Variants in RBMS3 observed in about 807,000 individuals in gnomAD.
RBMS3 encodes the protein RNA binding motif single stranded interacting protein 3.
In RBMS3, 27 loss-of-function variants were observed where a neutral mutation model predicts 66.8. That is an observed-to-expected ratio of 0.40 (90% CI 0.30 to 0.56). RBMS3 has a LOEUF of 0.56. RBMS3 is among the 20% of genes least tolerant of loss of function. The pLI, the probability that RBMS3 is intolerant of heterozygous loss-of-function variation, is 0.40. For missense variants in RBMS3, 513 were observed against 549.5 expected, an observed-to-expected ratio of 0.93 and a Z score of 0.66; for synonymous variants, 188 against 183.0, an observed-to-expected ratio of 1.03 and a Z score of -0.22.
rs1699785714 is a variant in RBMS3 at position 30,005,648 on chromosome 3, A to G, written c.*1786A>G. On this transcript the variant is annotated 3_prime_UTR_variant, in exon 15 of 15. Coordinates refer to ENST00000383767, the MANE Select transcript of RBMS3 (RefSeq NM_001003793.3). Reference sequence around the variant, plus strand: ...GTCTTTGTCATCACCTACCATGAATAGTCACCTTGGTTTTGCAAATGGGGA... The same window carrying G: ...GTCTTTGTCATCACCTACCATGAATGGTCACCTTGGTTTTGCAAATGGGGA... The G allele has an allele frequency of 6.6e-6, 1 of 151,822 alleles. No homozygotes were observed. The highest frequency in any genetic ancestry group is 6.6e-5 in the Admixed American group (1 of 15,218). 9.4% of individuals were successfully genotyped at this position (151,822 alleles called of 1,614,324 possible). A position where few individuals can be genotyped will look rare whatever the true frequency, so the allele number is the denominator to read the frequency against.
chr3:29,331,520 C>T (rs1018521521), intron 1 of RBMS3, among the ~76,000 whole-genome samples: 1 of 152,044 alleles, frequency 6.6e-6, no homozygotes, highest in Non-Finnish European at 1.5e-5. Context: ...CCCAATTATC[C>T]GGGGAGCACT....
intron 1 of RBMS3, among the ~76,000 whole-genome samples, chr3:29,360,534 G>C (rs2037513236): frequency 6.6e-6 from 1 of 151,976 alleles, no homozygotes; most frequent in African/African-American, 2.4e-5. Context: ...TTGATTTGGG[G>C]TGAAGAGTTC....
intron 1 of RBMS3, among the ~76,000 whole-genome samples, chr3:29,389,651 ATAT>A (rs1335561738): frequency 1.3e-5 from 2 of 152,194 alleles, no homozygotes; most frequent in Non-Finnish European, 2.9e-5. Flanking sequence ...TAGCAAAAGT[ATAT>A]TCGTTGTTTC....
At chr3:29,348,444 A>C (rs2036708573) in intron 1 of RBMS3, among the ~76,000 whole-genome samples, 1 of 152,188 alleles carries the variant, frequency 6.6e-6, no homozygotes, top group South Asian at 2.1e-4. Flanking sequence ...CAGACAAAAC[A>C]CTGCATTTAC....
intron 3 of RBMS3, among the ~76,000 whole-genome samples, chr3:29,530,509 T>A (rs1256750329): frequency 6.6e-6 from 1 of 152,128 alleles, no homozygotes; most frequent in Non-Finnish European, 1.5e-5. Context: ...ATAGCACGTA[T>A]GTAAAATTGA....
chr3:29,284,822 A>G (rs1245277053), intron 1 of RBMS3, among the ~76,000 whole-genome samples: 1 of 151,192 alleles, frequency 6.6e-6, no homozygotes, highest in African/African-American at 2.4e-5. Context: ...CACGTCTTTA[A>G]AAAGTTGTCA....
chr3:29,644,338 G>A (rs2049838456), intron 4 of RBMS3, among the ~76,000 whole-genome samples: 1 of 152,138 alleles, frequency 6.6e-6, no homozygotes, highest in Non-Finnish European at 1.5e-5. Context: ...TGAAATTTTT[G>A]TGGGCTTAAA....
chr3:30,003,898 T>G lies in RBMS3; in HGVS notation c.*36T>G, dbSNP rs746277151. 6.9e-7 allele frequency: 1 copy of G among 1,439,266 alleles called. No homozygotes were observed. Among genetic ancestry groups the G allele is most frequent in the Admixed American group, 2.4e-5 (1 of 41,450 alleles). The allele number at this position is 1,439,266 out of a possible 1,614,324, so 89.2% of individuals were successfully genotyped here. A position where few individuals can be genotyped will look rare whatever the true frequency, so the allele number is the denominator to read the frequency against. On this transcript the variant is annotated 3_prime_UTR_variant, in exon 15 of 15. Transcript: ENST00000383767. ...AGAATGTCTGTCTGAATCTTTGCCT[T>G]GAATGAAGAAACTTCATTGAACAAG...
At chr3:29,685,826 C>T (rs77763925) in intron 4 of RBMS3, among the ~76,000 whole-genome samples, 257 of 152,318 alleles carry the variant, frequency 1.7e-3, no homozygotes, top group African/African-American at 5.3e-3. Flanking sequence ...TTTATATGCA[C>T]GTTCCGTCAC....
chr3:29,735,559 A>C (rs718634), intron 4 of RBMS3, among the ~76,000 whole-genome samples: 86,714 of 152,010 alleles, frequency 0.57, 25,350 homozygotes, highest in African/African-American at 0.7. Flanking sequence ...ATACACTGCA[A>C]AATATTCATT....
chr3:29,460,539 CTGA>C (rs2042338432), intron 2 of RBMS3, among the ~76,000 whole-genome samples: 1 of 152,108 alleles, frequency 6.6e-6, no homozygotes, highest in Non-Finnish European at 1.5e-5. Flanking sequence ...CCCCCAAGTT[CTGA>C]TGATGATGAT....
At chr3:29,366,583 C>A (rs955259780) in intron 1 of RBMS3, among the ~76,000 whole-genome samples, 5 of 151,806 alleles carry the variant, frequency 3.3e-5, no homozygotes, top group Non-Finnish European at 1.5e-5. Flanking sequence ...CATGGTCTCA[C>A]CATGTTGCCA....
At chr3:29,922,493 C>CA (rs68121692) in intron 10 of RBMS3, among the ~76,000 whole-genome samples, 150 of 99,022 alleles carry the variant, frequency 1.5e-3, no homozygotes, top group African/African-American at 2.4e-3. Flanking sequence ...GACTCCGTCT[C>CA]AAAAAAAAAA....
At chr3:29,655,175 T>A (rs143520382) in intron 4 of RBMS3, among the ~76,000 whole-genome samples, 212 of 152,302 alleles carry the variant, frequency 1.4e-3, no homozygotes, top group African/African-American at 5.0e-3. Context: ...GGTCATCTGG[T>A]TAAGCTCTTC....
At chr3:29,572,180 C>A (rs2046972801) in intron 3 of RBMS3, among the ~76,000 whole-genome samples, 1 of 151,978 alleles carries the variant, frequency 6.6e-6, no homozygotes, top group Non-Finnish European at 1.5e-5. Context: ...TTGGTAGAGT[C>A]TTTTAAGTTT....
chr3:29,377,089 CAG>C (rs1172424849), intron 1 of RBMS3, among the ~76,000 whole-genome samples: 1 of 140,674 alleles, frequency 7.1e-6, no homozygotes, highest in Non-Finnish European at 1.5e-5. Context: ...AACTCTGTCT[CAG>C]AAAAAAAAAA....
chr3:29,854,119 TC>T (rs2059012597), intron 6 of RBMS3, among the ~76,000 whole-genome samples: 1 of 152,104 alleles, frequency 6.6e-6, no homozygotes, highest in African/African-American at 2.4e-5. Context: ...GAAGTTCTCA[TC>T]CCCAGGGACA....
intron 1 of RBMS3, among the ~76,000 whole-genome samples, chr3:29,330,901 C>T (rs1457228631): frequency 6.6e-6 from 1 of 152,102 alleles, no homozygotes; most frequent in Non-Finnish European, 1.5e-5. Context: ...TTGCTTGTGC[C>T]ACTGGAATAA....
At chr3:29,336,866 T>C (rs2125527601) in intron 1 of RBMS3, among the ~76,000 whole-genome samples, 1 of 152,220 alleles carries the variant, frequency 6.6e-6, no homozygotes, top group African/African-American at 2.4e-5. Flanking sequence ...TTTTTGGGGG[T>C]CAAATTCATA....
Sources: gnomAD v4.1 joint callset for allele counts (sites outside exome capture counted in the v4.1 genomes callset) on GRCh38, gnomAD v4.1.1 for gene constraint, MANE v1.5 for transcripts, NCBI Gene and HGNC (gene_info 2026-07-23, HGNC 2026-07-21) for gene names.